The following BRINP2 variants were observed in gnomAD, a reference collection of about 807,000 sequenced individuals.
BRINP2 encodes BMP/retinoic acid inducible neural specific 2.
BRINP2 carries 21 observed loss-of-function variants against 69.2 expected under a neutral mutation model. The observed-to-expected ratio is 0.30, with a 90% confidence interval of 0.22 to 0.44. The LOEUF (loss-of-function observed/expected upper bound fraction) is 0.44, where lower values mean the gene tolerates loss of function less well. BRINP2 is among the 20% of genes least tolerant of loss of function. BRINP2 has a pLI of 1.00. For missense variants in BRINP2, 877 were observed against 986.0 expected (o/e 0.89, Z 1.48); for synonymous variants, 380 against 394.1 (o/e 0.96, Z 0.42).
intron 2 of BRINP2, among the ~76,000 whole-genome samples, chr1:177,250,620 C>T (rs959143017): frequency 3.3e-5 from 5 of 152,154 alleles, no homozygotes; most frequent in Non-Finnish European, 4.4e-5. Flanking sequence ...CCACGGCGCC[C>T]GGCTGCCACT....
chr1:177,270,057 GT>G (rs1414715711), intron 4 of BRINP2, among the ~76,000 whole-genome samples: 1 of 119,334 alleles, frequency 8.4e-6, no homozygotes, highest in Non-Finnish European at 1.7e-5. Context: ...AGATGCTGAG[GT>G]TTTCCTCACT....
chr1:177,179,666 G>A (rs1026767255), intron 1 of BRINP2, among the ~76,000 whole-genome samples: 3 of 152,060 alleles, frequency 2.0e-5, no homozygotes, highest in Admixed American at 1.3e-4. Context: ...TGTGAACAAC[G>A]TGTCACTCAG....
chr1:177,252,041 A>G (rs1288621147), intron 2 of BRINP2, among the ~76,000 whole-genome samples: 11 of 152,192 alleles, frequency 7.2e-5, no homozygotes, highest in African/African-American at 1.2e-4. Context: ...TGATTCATCA[A>G]TGTAATTATC....
chr1:177,223,662 T>A (rs980180249), intron 1 of BRINP2, among the ~76,000 whole-genome samples: 1 of 152,212 alleles, frequency 6.6e-6, no homozygotes, highest in Non-Finnish European at 1.5e-5. Flanking sequence ...TAAATTAATG[T>A]AAGAATATTT....
chr1:177,224,343 C>T (rs75359727), intron 1 of BRINP2, among the ~76,000 whole-genome samples: 3 of 152,212 alleles, frequency 2.0e-5, no homozygotes, highest in Non-Finnish European at 4.4e-5. Context: ...GCAAAAATTC[C>T]TGCTTTATAC....
At chr1:177,230,221 CA>C in intron 2 of BRINP2, 76 bp downstream of exon 2, 1 of 1,477,646 alleles carries the variant, frequency 6.8e-7, no homozygotes, top group Non-Finnish European at 9.1e-7. Flanking sequence ...TGTGCTGGCC[CA>C]AACCCCTAAA....
chr1:177,255,259 ATTTGT>A (rs1275869856), intron 2 of BRINP2, among the ~76,000 whole-genome samples: 1 of 152,174 alleles, frequency 6.6e-6, no homozygotes, highest in Admixed American at 6.5e-5. Flanking sequence ...TCCTTGCTAA[ATTTGT>A]TTTGTTTCAG....
At position 177,281,469 on chromosome 1, in the gene BRINP2, G is replaced by A. The variant is rs554141063; in HGVS notation, c.2293G>A (p.Ala765Thr). 1 of 1,613,208 alleles carries A rather than the reference G, an allele frequency of 6.2e-7. No homozygotes were observed. The highest frequency in any genetic ancestry group is 2.2e-5 in the East Asian group (1 of 44,856). Residue 765 changes from alanine (A) to threonine (T), a missense_variant, in exon 8 of 8, where the codon GCT becomes ACT. Ala to Thr is a moderately conservative substitution (Grantham distance 58). Transcript: ENST00000361539. ...GGGCAGGATCCAGTCCTCCCTGAGG[G>A]CTTTCAATTCTAAGCTGCCAAACCC... is the stretch of plus-strand genomic sequence containing the variant. ...EVGRIQSSLR[A>T]FNSKLPNPVE...
chr1:177,278,238 T>C (rs1651566073), intron 6 of BRINP2, among the ~76,000 whole-genome samples: 1 of 151,686 alleles, frequency 6.6e-6, no homozygotes, highest in Non-Finnish European at 1.5e-5. Context: ...TAGAAGGAAG[T>C]ATAAAGGGGG....
intron 1 of BRINP2, among the ~76,000 whole-genome samples, chr1:177,207,484 AT>A (rs1313830912): frequency 1.3e-5 from 2 of 152,186 alleles, no homozygotes; most frequent in Admixed American, 6.5e-5. Context: ...TCCTGCAGGC[AT>A]TTGTTGGAAC....
At position 177,280,641 on chromosome 1, in the gene BRINP2, G is replaced by A. The variant is rs777525591; in HGVS notation, c.1465G>A (p.Gly489Arg). 6.2e-7 allele frequency: 1 copy of A among 1,614,200 alleles called. No individual in the cohort carries two copies. The highest frequency in any genetic ancestry group is 8.5e-7 in the Non-Finnish European group (1 of 1,180,032). Residue 489 changes from glycine to arginine, a missense_variant, in exon 8 of 8, where the codon GGG becomes AGG. Transcript: ENST00000361539. ...SCNPGYVLAQ[G>R]LCRPEVAESL... is the part of the protein sequence containing the mutation. ...CAACCCGGGCTATGTGCTGGCCCAG[G>A]GGCTGTGCCGGCCAGAGGTGGCCGA...
intron 1 of BRINP2, among the ~76,000 whole-genome samples, chr1:177,199,783 A>T (rs543932840): frequency 7.0e-4 from 107 of 152,344 alleles, no homozygotes; most frequent in African/African-American, 2.4e-3. Context: ...GCACTCAGTT[A>T]TAGAATATAG....
At chr1:177,249,206 A>G (rs1440593682) in intron 2 of BRINP2, among the ~76,000 whole-genome samples, 4 of 152,040 alleles carry the variant, frequency 2.6e-5, no homozygotes, top group South Asian at 4.1e-4. Flanking sequence ...TTTCCTGGAC[A>G]TTGTTTTGGT....
rs749962289 is a variant in BRINP2, at chr1:177,280,412, G to T, written c.1236G>T (p.Arg412Ser). The T allele has an allele frequency of 6.2e-7, 1 of 1,600,724 alleles. No individual in the cohort carries two copies. The highest frequency in any genetic ancestry group is 1.7e-5 in the Admixed American group (1 of 58,758). ...CTTCATTTTATCTCTGCTCCCCAAG[G>T]TCCTTGTCCTACTGGTGGAACCGAA... The part of the protein sequence containing the change: ...RQPRFRLPKE[R>S]SLSYWWNRIQ... Residue 412 changes from arginine (R) to serine (S), a missense_variant and splice_region_variant, in exon 8 of 8, where the codon AGG (arginine) becomes AGT (serine). Physicochemically the swap from Arg to Ser is moderately radical, Grantham distance 110. Coordinates refer to ENST00000361539, the MANE Select transcript of BRINP2 (RefSeq NM_021165.4).
chr1:177,268,456 TC>T (rs1363761854), intron 4 of BRINP2, among the ~76,000 whole-genome samples: 2 of 152,150 alleles, frequency 1.3e-5, no homozygotes, highest in African/African-American at 2.4e-5. Flanking sequence ...GAGGAAAAGT[TC>T]CCCAGCATAT....
chr1:177,228,202 C>G (rs974708348), intron 1 of BRINP2, among the ~76,000 whole-genome samples: 1 of 152,182 alleles, frequency 6.6e-6, no homozygotes, highest in Non-Finnish European at 1.5e-5. Context: ...TCAATATCCA[C>G]CAGCTGGAGT....
chr1:177,267,523 G>A (rs574975922), intron 4 of BRINP2, among the ~76,000 whole-genome samples: 2 of 152,162 alleles, frequency 1.3e-5, no homozygotes, highest in South Asian at 2.1e-4. Flanking sequence ...TTTGTTCATC[G>A]CCATGTCCTC....
In BRINP2 at chr1:177,229,913, C is replaced by A; in HGVS notation, c.37C>A (p.Arg13=). ...GTGTGGCACTCGGTTTAGAGGGCTT[C>A]GGCCGGCGGTGGCCCCATGGACAGC... ...WQCGTRFRGL[R]PAVAPWTALL... Residue 13 remains arginine (R), a synonymous_variant, in exon 2 of 8, where the codon CGG becomes AGG. Transcript: ENST00000361539. 6.2e-7 allele frequency: 1 copy of A among 1,606,078 alleles called. No homozygotes were observed. The highest frequency in any genetic ancestry group is 8.5e-7 in the Non-Finnish European group (1 of 1,175,148).
intron 2 of BRINP2, among the ~76,000 whole-genome samples, 172 bp downstream of exon 2, chr1:177,230,317 TA>T (rs201082734): frequency 0.013 from 2,031 of 152,186 alleles, 50 homozygotes; most frequent in African/African-American, 0.046. Flanking sequence ...TGTTAGTTTT[TA>T]AAAAAAGAAA....
Sources: gnomAD v4.1 joint callset for allele counts (sites outside exome capture counted in the v4.1 genomes callset) on GRCh38, gnomAD v4.1.1 for gene constraint, MANE v1.5 for transcripts, NCBI Gene and HGNC (gene_info 2026-07-23, HGNC 2026-07-21) for gene names.